SLC35F2: variants seen among roughly 807,000 people sequenced by gnomAD.
SLC35F2 encodes solute carrier family 35 member F2.
A neutral mutation model predicts 38.1 loss-of-function variants in SLC35F2; 25 were observed. The ratio of observed to expected loss-of-function variants is 0.66; its 90% CI spans 0.48 to 0.92. SLC35F2 has a LOEUF of 0.92. Among genes scored for constraint, SLC35F2 ranks in the 40% least tolerant of loss-of-function variants. The pLI is 0.00. For synonymous variants in SLC35F2, 173 were observed against 181.7 expected, an observed-to-expected ratio of 0.95 and a Z score of 0.38; for missense variants, 409 against 452.9, an observed-to-expected ratio of 0.90 and a Z score of 0.88.
chr11:107,835,375 T>G (rs904324938), intron 1 of SLC35F2, among the ~76,000 whole-genome samples: 2 of 152,088 alleles, frequency 1.3e-5, no homozygotes, highest in Non-Finnish European at 2.9e-5. Context: ...CGAATTTCCC[T>G]TCCCTGCTTA....
At chr11:107,828,624 C>G (rs1279282091) in intron 1 of SLC35F2, among the ~76,000 whole-genome samples, 5 of 151,892 alleles carry the variant, frequency 3.3e-5, no homozygotes, top group Non-Finnish European at 1.5e-5. Context: ...GGAGTTTGTC[C>G]TTGTGGAAAT....
chr11:107,845,968 T>C (rs995932661), intron 1 of SLC35F2, among the ~76,000 whole-genome samples: 1 of 150,534 alleles, frequency 6.6e-6, no homozygotes, highest in Non-Finnish European at 1.5e-5. Context: ...AATAAATAAA[T>C]AAATAAATAA....
chr11:107,827,835 C>T (rs1223842820), intron 1 of SLC35F2, among the ~76,000 whole-genome samples: 1 of 151,944 alleles, frequency 6.6e-6, no homozygotes, highest in Non-Finnish European at 1.5e-5. Flanking sequence ...CACTTGAACC[C>T]AGGAAGCACA....
intron 3 of SLC35F2, among the ~76,000 whole-genome samples, chr11:107,808,758 C>A (rs1204331832): frequency 6.6e-6 from 1 of 152,174 alleles, no homozygotes; most frequent in Non-Finnish European, 1.5e-5. Flanking sequence ...TTGAGCCTGC[C>A]TGAATAACAA....
chr11:107,816,645 G>A (rs1859579081), intron 1 of SLC35F2, among the ~76,000 whole-genome samples: 1 of 152,056 alleles, frequency 6.6e-6, no homozygotes, highest in Non-Finnish European at 1.5e-5. Flanking sequence ...TGAGACAGAA[G>A]AGGCTAAAAT....
Position 107,807,998 on chromosome 11 carries a change from G to A in SLC35F2, c.415-1122C>T, listed in dbSNP as rs536207030. 6.6e-5 allele frequency among the ~76,000 whole-genome samples: 10 copies of A among 152,320 alleles called. No individual in the cohort carries two copies. The South Asian group carries it at 1.2e-3, about 19-fold the overall frequency. On this transcript the variant is annotated intron_variant, in intron 3 of 7. Coordinates refer to ENST00000525815, the MANE Select transcript of SLC35F2 (RefSeq NM_017515.5). Reference sequence around the variant, plus strand: ...CACTGTGAAAGGAGCTAGGAATAGCGGTGAACAGGACAGAGCAAGCTGTGT... The same window carrying A: ...CACTGTGAAAGGAGCTAGGAATAGCAGTGAACAGGACAGAGCAAGCTGTGT...
chr11:107,840,137 C>G (rs1049844720), intron 1 of SLC35F2, among the ~76,000 whole-genome samples: 3 of 152,134 alleles, frequency 2.0e-5, no homozygotes, highest in Non-Finnish European at 4.4e-5. Context: ...GAGAAAAATT[C>G]TAAGAGGTGC....
intron 1 of SLC35F2, among the ~76,000 whole-genome samples, chr11:107,843,358 G>A (rs552448553): frequency 5.4e-4 from 82 of 151,720 alleles, no homozygotes; most frequent in African/African-American, 1.9e-3. Context: ...ACCTGAGGTC[G>A]GGAGTTCAAG....
At chr11:107,821,703 A>T in intron 1 of SLC35F2, 1 of 813,316 alleles carries the variant, frequency 1.2e-6, no homozygotes, top group Non-Finnish European at 1.5e-6. Context: ...CTTGGGATAT[A>T]TCCTGTCCCG....
intron 6 of SLC35F2, chr11:107,803,492 T>G (rs1056446768): frequency 1.0e-6 from 1 of 985,026 alleles, no homozygotes; most frequent in African/African-American, 1.7e-5. Flanking sequence ...AAAAGGCCAA[T>G]AAAGGCAGAA....
chr11:107,854,527 T>C (rs1349028247), intron 1 of SLC35F2, among the ~76,000 whole-genome samples: 1 of 152,178 alleles, frequency 6.6e-6, no homozygotes, highest in African/African-American at 2.4e-5. Context: ...TATTTTTCAC[T>C]TGAGTTGACA....
intron 1 of SLC35F2, 140 bp downstream of exon 1, chr11:107,858,518 C>A (rs1318555490): frequency 2.9e-6 from 2 of 700,464 alleles, no homozygotes; most frequent in Non-Finnish European, 2.0e-6. Flanking sequence ...GCGTGTTGAG[C>A]CCCGAACCGA....
At chr11:107,810,763 G>T (rs1859468120) in intron 3 of SLC35F2, 1 of 978,470 alleles carries the variant, frequency 1.0e-6, no homozygotes, top group African/African-American at 1.8e-5. Flanking sequence ...TTTAATGTAG[G>T]TTCACACTGG....
In SLC35F2 at chr11:107,811,765, T is replaced by C; in HGVS notation, c.316A>G (p.Arg106Gly). The change falls in exon 3 of 8, where the codon AGA becomes GGA. Residue 106 changes from arginine to glycine, a missense_variant. By Grantham distance (125) the Arg-to-Gly change is moderately radical (BLOSUM62 -2). Coordinates refer to ENST00000525815, the MANE Select transcript of SLC35F2 (RefSeq NM_017515.5). ...AGCAGGATGTACTTCCACCATTTTCTTTTCAAGATTACTAAAAGGTTATCA... is the reference window on the plus strand; with the variant it reads ...AGCAGGATGTACTTCCACCATTTTCCTTTCAAGATTACTAAAAGGTTATCA... ...GSDNLLVILK[R>G]KWWKYILLGL... The C allele has an allele frequency of 6.2e-7, 1 of 1,614,016 alleles. No homozygotes were observed. Among genetic ancestry groups the C allele is most frequent in the African/African-American group, 1.3e-5 (1 of 75,048 alleles).
intron 3 of SLC35F2, chr11:107,810,268 G>T: frequency 1.0e-6 from 1 of 985,358 alleles, no homozygotes; most frequent in Non-Finnish European, 1.2e-6. Flanking sequence ...TAAGAGGCTA[G>T]CGTGAAAGAA....
chr11:107,816,012 C>T (rs1365837522), intron 1 of SLC35F2, 47 bp from the exon 2 acceptor site: 7 of 1,305,660 alleles, frequency 5.4e-6, no homozygotes, highest in Non-Finnish European at 6.2e-6. Context: ...ATAAGTTATA[C>T]CTTACACACA....
intron 2 of SLC35F2, among the ~76,000 whole-genome samples, 185 bp downstream of exon 2, chr11:107,815,602 AAAC>A (rs755617597): frequency 3.9e-5 from 6 of 151,992 alleles, no homozygotes; most frequent in East Asian, 1.9e-4. Context: ...ACAAAAAAAA[AAAC>A]ACTTTTTTTT....
Position 107,792,362 on chromosome 11 carries a change from T to C in SLC35F2, c.*253A>G, listed in dbSNP as rs933902149. ...GCCTCTAAGACCCCAGTGTGGAGTC[T>C]GCACCTCATCTCCTCAACACGAACA... On this transcript the variant is annotated 3_prime_UTR_variant, in exon 8 of 8. Coordinates refer to ENST00000525815, the MANE Select transcript of SLC35F2 (RefSeq NM_017515.5). The C allele has an allele frequency of 5.4e-6, 2 of 369,784 alleles. No individual in the cohort carries two copies. Among genetic ancestry groups the C allele is most frequent in the Non-Finnish European group, 9.7e-6 (2 of 206,102 alleles). The allele number at this position is 369,784 out of a possible 1,614,324, so 22.9% of individuals were successfully genotyped here.
Position 107,822,850 on chromosome 11 carries a change from C to T in SLC35F2, c.111-6885G>A, listed in dbSNP as rs1859695856. ...AGGTTCACAGAGGAGTCAAAACAATCACACACCTGAAAGGTATTTTAGGAA... is the reference window on the plus strand; with the variant it reads ...AGGTTCACAGAGGAGTCAAAACAATTACACACCTGAAAGGTATTTTAGGAA... On this transcript the variant is annotated intron_variant, in intron 1 of 7. Coordinates refer to ENST00000525815, the MANE Select transcript of SLC35F2 (RefSeq NM_017515.5). Among the ~76,000 whole-genome samples the T allele has an allele frequency of 2.0e-5, 3 of 152,046 alleles. No individual in the cohort carries two copies. In the South Asian group the frequency reaches 6.2e-4, roughly 32 times the overall value.
Sources: allele counts gnomAD v4.1 joint callset (sites outside exome capture counted in the v4.1 genomes callset), GRCh38; gene constraint gnomAD v4.1.1; transcripts MANE v1.5; gene names NCBI Gene and HGNC (gene_info 2026-07-23, HGNC 2026-07-21).